GPC5: variants seen among roughly 807,000 people sequenced by gnomAD.
The protein encoded by GPC5 is glypican 5, also known as glypican-5.
In GPC5, 47 loss-of-function variants were observed where a neutral mutation model predicts 53.9. That is an observed-to-expected ratio of 0.87 (90% CI 0.69 to 1.11). The LOEUF is 1.11. GPC5 is among the 50% of genes most tolerant of loss of function. The probability of loss-of-function intolerance (pLI) is 0.00; values close to 1 mark genes in which losing one functional copy is unlikely to be tolerated. For synonymous variants in GPC5, 286 were observed against 263.3 expected, an observed-to-expected ratio of 1.09 and a Z score of -0.84; for missense variants, 748 against 713.1, an observed-to-expected ratio of 1.05 and a Z score of -0.56.
At chr13:91,691,177 G>C (rs2035750362) in intron 2 of GPC5, among the ~76,000 whole-genome samples, 1 of 152,206 alleles carries the variant, frequency 6.6e-6, no homozygotes, top group African/African-American at 2.4e-5. Flanking sequence ...GGTTATCATA[G>C]TGGAATGCTT....
intron 7 of GPC5, among the ~76,000 whole-genome samples, chr13:92,498,441 G>A (rs1880061879): frequency 1.3e-5 from 2 of 152,068 alleles, no homozygotes; most frequent in Non-Finnish European, 2.9e-5. Context: ...CCTCTTAGTG[G>A]CATACATGAG....
chr13:92,017,595 T>A (rs748595967), intron 6 of GPC5, among the ~76,000 whole-genome samples: 1 of 152,166 alleles, frequency 6.6e-6, no homozygotes, highest in Non-Finnish European at 1.5e-5. Context: ...TATTATAAGA[T>A]GTTGAACTTC....
chr13:91,564,997 G>GGGA (rs1555324950), intron 2 of GPC5, among the ~76,000 whole-genome samples: 1 of 149,550 alleles, frequency 6.7e-6, no homozygotes, highest in Non-Finnish European at 1.5e-5. Context: ...TTTTTTTGGG[G>GGGA]GGGGGTCGGT....
intron 5 of GPC5, among the ~76,000 whole-genome samples, chr13:91,767,558 G>A (rs968170886): frequency 3.9e-5 from 6 of 152,196 alleles, no homozygotes; most frequent in Middle Eastern, 3.4e-3. Context: ...CAATTTCAAC[G>A]CTGCTACAAT....
At chr13:92,431,910 T>C (rs907513870) in intron 7 of GPC5, among the ~76,000 whole-genome samples, 1 of 152,142 alleles carries the variant, frequency 6.6e-6, no homozygotes, top group Non-Finnish European at 1.5e-5. Context: ...AATTTGTAAG[T>C]AGTGCTGGCA....
At chr13:91,907,253 A>T (rs937157328) in intron 5 of GPC5, among the ~76,000 whole-genome samples, 6 of 149,086 alleles carry the variant, frequency 4.0e-5, no homozygotes, top group Non-Finnish European at 7.4e-5. Context: ...TACAAAAAGA[A>T]ATGTGTTCAA....
chr13:92,791,302 A>G (rs1876452140), intron 7 of GPC5, among the ~76,000 whole-genome samples: 1 of 152,058 alleles, frequency 6.6e-6, no homozygotes. Context: ...TGGGTCAAGG[A>G]AATAAAAAAT....
At chr13:91,877,145 G>A (rs2039211830) in intron 5 of GPC5, among the ~76,000 whole-genome samples, 1 of 152,204 alleles carries the variant, frequency 6.6e-6, no homozygotes. Flanking sequence ...TTGCTGCAGG[G>A]GTGGGGCCCT....
At chr13:92,276,775 A>T (rs2042878671) in intron 7 of GPC5, among the ~76,000 whole-genome samples, 1 of 152,122 alleles carries the variant, frequency 6.6e-6, no homozygotes, top group Non-Finnish European at 1.5e-5. Flanking sequence ...ATAGATGTAT[A>T]ATGACCTGCT....
At chr13:92,415,689 A>AG (rs1327500620) in intron 7 of GPC5, among the ~76,000 whole-genome samples, 1 of 151,798 alleles carries the variant, frequency 6.6e-6, no homozygotes, top group Non-Finnish European at 1.5e-5. Context: ...AAAAAAAAAA[A>AG]AGAAGTAATA....
chr13:92,092,037 A>G (rs1383571876), intron 6 of GPC5, among the ~76,000 whole-genome samples: 2 of 152,268 alleles, frequency 1.3e-5, no homozygotes, highest in South Asian at 2.1e-4. Context: ...AGCTATGTGG[A>G]TTAAAGGTCA....
At chr13:91,431,442 G>C (rs1336616636) in intron 1 of GPC5, among the ~76,000 whole-genome samples, 2 of 152,172 alleles carry the variant, frequency 1.3e-5, no homozygotes, top group Non-Finnish European at 2.9e-5. Flanking sequence ...TTGGGTCTCA[G>C]AAAATAATTA....
intron 7 of GPC5, among the ~76,000 whole-genome samples, chr13:92,820,665 G>T (rs1877643773): frequency 6.6e-6 from 1 of 152,068 alleles, no homozygotes; most frequent in Non-Finnish European, 1.5e-5. Flanking sequence ...ATTTCTTTCA[G>T]TTCCCTAAAT....
At chr13:92,363,230 AC>A (rs2043582239) in intron 7 of GPC5, among the ~76,000 whole-genome samples, 1 of 151,668 alleles carries the variant, frequency 6.6e-6, no homozygotes, top group Non-Finnish European at 1.5e-5. Context: ...TGTTGTTTCC[AC>A]CAGCTAGAGT....
intron 7 of GPC5, among the ~76,000 whole-genome samples, chr13:92,762,049 A>T (rs1347808939): frequency 6.6e-6 from 1 of 152,148 alleles, no homozygotes; most frequent in Non-Finnish European, 1.5e-5. Context: ...AATAGAAAAA[A>T]AAAAGAACAC....
intron 2 of GPC5, among the ~76,000 whole-genome samples, chr13:91,543,526 T>A (rs1198457007): frequency 1.2e-5 from 1 of 86,844 alleles, no homozygotes; most frequent in Admixed American, 1.4e-4. Context: ...ACTACATGAT[T>A]TTTCAAAGAG....
chr13:92,644,276 C>T lies in GPC5; in HGVS notation c.1562-222006C>T, dbSNP rs552544541. 4.6e-5 allele frequency among the ~76,000 whole-genome samples: 7 copies of T among 152,268 alleles called. No homozygotes were observed. The South Asian group carries it at 1.5e-3, about 32-fold the overall frequency. On this transcript the variant is annotated intron_variant, in intron 7 of 7. Coordinates refer to ENST00000377067, the MANE Select transcript of GPC5 (RefSeq NM_004466.6). ...GGTGAGCTCAAGGTAAATACCTGTA[C>T]CTTTGCTGCTAGCTTTAGAAACAAA...
At chr13:92,267,817 A>G (rs985817959) in intron 7 of GPC5, among the ~76,000 whole-genome samples, 1 of 152,132 alleles carries the variant, frequency 6.6e-6, no homozygotes, top group Non-Finnish European at 1.5e-5. Context: ...CAGAGGCCAA[A>G]TTAAAATATT....
chr13:92,796,941 T>C (rs1475681094), intron 7 of GPC5, among the ~76,000 whole-genome samples: 3 of 151,954 alleles, frequency 2.0e-5, no homozygotes, highest in Non-Finnish European at 4.4e-5. Context: ...TTGCTTTACA[T>C]AATTTTGTTT....
Sources: allele counts gnomAD v4.1 joint callset (sites outside exome capture counted in the v4.1 genomes callset), GRCh38; gene constraint gnomAD v4.1.1; transcripts MANE v1.5; gene names NCBI Gene and HGNC (gene_info 2026-07-23, HGNC 2026-07-21).